Variants in CDKL5 observed in about 807,000 individuals in gnomAD.
CDKL5 encodes the protein cyclin-dependent kinase-like 5.
Under a neutral mutation model 61.7 loss-of-function variants are expected in CDKL5, and 8 were observed. That is an observed-to-expected ratio of 0.13 (90% CI 0.08 to 0.23). The LOEUF (loss-of-function observed/expected upper bound fraction) is 0.23, where lower values mean the gene tolerates loss of function less well. Ranked by LOEUF, CDKL5 falls within the 10% of genes least tolerant of loss-of-function variation. CDKL5 has a pLI of 1.00. For synonymous variants in CDKL5, 275 were observed against 272.3 expected (o/e 1.01, Z -0.10); for missense variants, 440 against 734.5 (o/e 0.60, Z 4.63).
At position 18,604,595 on chromosome X, in the gene CDKL5, A is replaced by C. The variant is rs1008513422; in HGVS notation, c.1671A>C (p.Ser557=). ...RNNRNEGTLD[S]RRTTTRHSKT... ...ACCGAAATGAGGGAACGCTGGACTCACGTCGAACCACAACCAGACATTCTA... is the reference window on the plus strand; with the variant it reads ...ACCGAAATGAGGGAACGCTGGACTCCCGTCGAACCACAACCAGACATTCTA... Residue 557 remains serine, a synonymous_variant, in exon 12 of 18, where the codon TCA becomes TCC. Coordinates refer to ENST00000623535, the MANE Select transcript of CDKL5 (RefSeq NM_001323289.2). 1 of 1,211,952 alleles carries C rather than the reference A, an allele frequency of 8.3e-7. No homozygotes were observed. Among genetic ancestry groups the C allele is most frequent in the East Asian group, 3.0e-5 (1 of 33,852 alleles).
chrX:18,528,776 G>A (rs1923539798), intron 3 of CDKL5, among the ~76,000 whole-genome samples: 1 of 111,368 alleles, frequency 9.0e-6, no homozygotes, highest in African/African-American at 3.3e-5. Flanking sequence ...TGGGACTACA[G>A]GTGTGCACTG....
chrX:18,509,177 G>A (rs757532907), intron 2 of CDKL5, among the ~76,000 whole-genome samples: 2 of 89,177 alleles, frequency 2.2e-5, no homozygotes, highest in East Asian at 8.1e-4. Context: ...TGATGAGAGA[G>A]CGAGACTGTC....
chrX:18,628,392 C>G lies in CDKL5; in HGVS notation c.2518C>G (p.Arg840Gly). The G allele has an allele frequency of 8.3e-7, 1 of 1,211,325 alleles. No homozygotes were observed. ...QTQSQPLKSL[R>G]KLLHLSSASN... ...TCAGAGCCAGCCATTAAAATCACTG[C>G]GCAAGTTGTTACATCTCTCTTCGGC... The change falls in exon 18 of 18, where the codon CGC becomes GGC. Residue 840 changes from arginine (R) to glycine (G), a missense_variant. Physicochemically the swap from Arg to Gly is moderately radical, Grantham distance 125. Coordinates refer to ENST00000623535, the MANE Select transcript of CDKL5 (RefSeq NM_001323289.2).
chrX:18,612,834 A>C (rs1046278543), intron 14 of CDKL5, among the ~76,000 whole-genome samples: 7 of 111,105 alleles, frequency 6.3e-5, no homozygotes, highest in Non-Finnish European at 1.1e-4. Flanking sequence ...CAGAAAACAC[A>C]AAAGTTATGT....
At chrX:18,431,526 A>G (rs2147615766) in intron 1 of CDKL5, among the ~76,000 whole-genome samples, 1 of 104,135 alleles carries the variant, frequency 9.6e-6, no homozygotes, top group South Asian at 4.3e-4. Flanking sequence ...GGTTCACGCC[A>G]TTCTCCTACC....
chrX:18,562,014 G>A (rs1461030701), intron 3 of CDKL5, among the ~76,000 whole-genome samples: 1 of 111,460 alleles, frequency 9.0e-6, no homozygotes, highest in African/African-American at 3.3e-5. Flanking sequence ...ACAACAATCT[G>A]GGGAAAAGAT....
At chrX:18,526,011 T>C (rs1322946281) in intron 3 of CDKL5, among the ~76,000 whole-genome samples, 1 of 111,943 alleles carries the variant, frequency 8.9e-6, no homozygotes, top group African/African-American at 3.2e-5. Context: ...CCTCCCAAAG[T>C]ACTGGGATTA....
chrX:18,603,191 C>G (rs1202334515), intron 11 of CDKL5, among the ~76,000 whole-genome samples: 2 of 111,979 alleles, frequency 1.8e-5, no homozygotes, highest in African/African-American at 6.5e-5. Flanking sequence ...TCTCTGTAAT[C>G]CGGTATAGTA....
In CDKL5 at chrX:18,647,064, G is replaced by C. The variant is rs893935663; in HGVS notation, c.2797+974G>C. 9.1e-5 allele frequency: 68 copies of C among 749,970 alleles called. No individual in the cohort carries two copies. In the African/African-American group the frequency reaches 1.3e-3, roughly 15 times the overall value. 61.8% of individuals were successfully genotyped at this position (749,970 alleles called of 1,213,427 possible). ...CCTGAGTAGCTGGGATTACAGGCAC[G>C]TGCCACCACGCCAGTTAATTTTTTG... On this transcript the variant is annotated intron_variant, in intron 20 of 21. Transcript: ENST00000379989.
intron 3 of CDKL5, among the ~76,000 whole-genome samples, chrX:18,548,318 T>C (rs1924271154): frequency 9.0e-6 from 1 of 111,125 alleles, no homozygotes; most frequent in Non-Finnish European, 1.9e-5. Flanking sequence ...ATTTTACACA[T>C]AGCTCTTTGA....
At chrX:18,576,387 T>G (rs1024981182) in intron 5 of CDKL5, among the ~76,000 whole-genome samples, 2 of 112,018 alleles carry the variant, frequency 1.8e-5, no homozygotes, top group African/African-American at 6.5e-5. Context: ...GGCAAACCTT[T>G]AAGCAAGTTT....
At chrX:18,525,983 A>G (rs998007557) in intron 3 of CDKL5, among the ~76,000 whole-genome samples, 37 of 110,547 alleles carry the variant, frequency 3.3e-4, no homozygotes, top group African/African-American at 1.2e-3. Flanking sequence ...CTGACCTCAG[A>G]TGATCCACCC....
chrX:18,628,143 C>G (rs992624607), intron 17 of CDKL5, among the ~76,000 whole-genome samples: 6 of 111,802 alleles, frequency 5.4e-5, no homozygotes, highest in Non-Finnish European at 1.1e-4. Context: ...GATTGGCTGC[C>G]GTACCAGCTC....
chrX:18,605,528 C>A (rs1926333355), intron 12 of CDKL5, among the ~76,000 whole-genome samples: 1 of 111,520 alleles, frequency 9.0e-6, no homozygotes, highest in Admixed American at 9.5e-5. Context: ...GCAGAGGCTG[C>A]AGTGAGCCAA....
At chrX:18,450,872 G>T (rs1039020683) in intron 1 of CDKL5, among the ~76,000 whole-genome samples, 1 of 108,776 alleles carries the variant, frequency 9.2e-6, no homozygotes, top group Non-Finnish European at 1.9e-5. Flanking sequence ...ACTGTGCCCG[G>T]CCTTTTTTTT....
intron 1 of CDKL5, among the ~76,000 whole-genome samples, chrX:18,434,151 TGTGCA>T (rs1369379877): frequency 8.9e-6 from 1 of 112,147 alleles, no homozygotes; most frequent in Non-Finnish European, 1.9e-5. Flanking sequence ...GATCCCCACT[TGTGCA>T]GGTTTCCTCC....
chrX:18,564,401 T>G, intron 3 of CDKL5, 76 bp from the exon 4 acceptor site: 1 of 663,695 alleles, frequency 1.5e-6, no homozygotes, highest in Non-Finnish European at 2.5e-6. Flanking sequence ...TCCCAGAATA[T>G]ACCCCCAGGC....
chrX:18,552,234 T>C (rs2147123108), intron 3 of CDKL5, among the ~76,000 whole-genome samples: 1 of 93,089 alleles, frequency 1.1e-5, no homozygotes, highest in Non-Finnish European at 2.1e-5. Flanking sequence ...TGAGACTCCG[T>C]CTCAAAAAAA....
Position 18,440,721 on chromosome X carries a change from C to T in CDKL5, c.-163+15026C>T, listed in dbSNP as rs1479642250. Among the ~76,000 whole-genome samples, 3 of 111,839 alleles carry T rather than the reference C, an allele frequency of 2.7e-5. No homozygotes were observed. In the Admixed American group the frequency reaches 2.9e-4, roughly 11 times the overall value. On this transcript the variant is annotated intron_variant, in intron 1 of 17. Coordinates refer to ENST00000623535, the MANE Select transcript of CDKL5 (RefSeq NM_001323289.2). ...CTCCTGACCTCAGGTGATCCACCCACTTCAGCCTCCATATAATCTTTGTGT... is the reference window on the plus strand; with the variant it reads ...CTCCTGACCTCAGGTGATCCACCCATTTCAGCCTCCATATAATCTTTGTGT...
Sources: allele counts gnomAD v4.1 joint callset (sites outside exome capture counted in the v4.1 genomes callset), GRCh38; gene constraint gnomAD v4.1.1; transcripts MANE v1.5; gene names NCBI Gene and HGNC (gene_info 2026-07-23, HGNC 2026-07-21).